BACH2: variants seen among roughly 807,000 people sequenced by gnomAD.
The protein encoded by BACH2 is transcription regulator protein BACH2.
A neutral mutation model predicts 61.8 loss-of-function variants in BACH2; 5 were observed. The ratio of observed to expected loss-of-function variants is 0.08; its 90% CI spans 0.04 to 0.17. The LOEUF (loss-of-function observed/expected upper bound fraction) is 0.17, where lower values mean the gene tolerates loss of function less well. BACH2 is among the 10% of genes least tolerant of loss of function. The pLI is 1.00. For synonymous variants in BACH2, 446 were observed against 440.1 expected, an observed-to-expected ratio of 1.01 and a Z score of -0.17; for missense variants, 824 against 1,091.1, an observed-to-expected ratio of 0.76 and a Z score of 3.45.
chr6:90,146,656 G>A (rs530530992), intron 4 of BACH2, among the ~76,000 whole-genome samples: 1 of 152,268 alleles, frequency 6.6e-6, no homozygotes, highest in South Asian at 2.1e-4. Context: ...ATTAGTAGGT[G>A]AATTGTTTCA....
chr6:89,976,385 A>T (rs954040687), intron 6 of BACH2, among the ~76,000 whole-genome samples: 1 of 152,252 alleles, frequency 6.6e-6, no homozygotes, highest in African/African-American at 2.4e-5. Flanking sequence ...TCTGTAAGGC[A>T]GGGGCAAGCT....
Position 89,928,771 on chromosome 6 carries a change from G to C in BACH2, c.*3637C>G, listed in dbSNP as rs1584488651. 6.6e-6 allele frequency: 1 copy of C among 152,454 alleles called. No homozygotes were observed. The highest frequency in any genetic ancestry group is 1.9e-4 in the East Asian group (1 of 5,314). The allele number at this position is 152,454 out of a possible 1,614,324, so 9.4% of individuals were successfully genotyped here. A position where few individuals can be genotyped will look rare whatever the true frequency, so the allele number is the denominator to read the frequency against. The stretch of plus-strand genomic sequence containing the variant: ...CACAACATTCAGTTGCAGACACACA[G>C]AGTCAGGTTTTCCACTGCAGCATCA... On this transcript the variant is annotated 3_prime_UTR_variant, in exon 9 of 9. Coordinates refer to ENST00000257749, the MANE Select transcript of BACH2 (RefSeq NM_021813.4).
chr6:90,040,573 T>C (rs1285827763), intron 5 of BACH2, among the ~76,000 whole-genome samples: 5 of 152,234 alleles, frequency 3.3e-5, no homozygotes, highest in Admixed American at 2.6e-4. Flanking sequence ...TACAAAATAT[T>C]CTGTTGGTAT....
At chr6:90,226,410 C>CACCAAT (rs1185808502) in intron 3 of BACH2, among the ~76,000 whole-genome samples, 1 of 152,070 alleles carries the variant, frequency 6.6e-6, no homozygotes, top group Non-Finnish European at 1.5e-5. Flanking sequence ...GGGTGAGGAG[C>CACCAAT]ACCAATTTGT....
intron 5 of BACH2, among the ~76,000 whole-genome samples, chr6:90,066,860 C>A (rs1780990821): frequency 1.3e-5 from 2 of 152,182 alleles, no homozygotes; most frequent in African/African-American, 4.8e-5. Context: ...TGCAGTGACA[C>A]ACACAGCCTT....
In BACH2 at chr6:90,008,809, A is replaced by G. The variant is rs1466444467; in HGVS notation, c.36T>C (p.Tyr12=). The G allele has an allele frequency of 4.3e-6, 7 of 1,614,154 alleles. No homozygotes were observed. The Admixed American group carries it at 8.3e-5, about 19-fold the overall frequency. ...TGCAGTGGACTGTGGACTCATACAC[A>G]TACATGGGGGAGTCAGGCTTCTCAT... is the stretch of plus-strand genomic sequence containing the variant. ...SVDEKPDSPM[Y]VYESTVHCTN... The change falls in exon 6 of 9, where the codon TAT becomes TAC. Residue 12 remains tyrosine (Y), a synonymous_variant. Coordinates refer to ENST00000257749, the MANE Select transcript of BACH2 (RefSeq NM_021813.4). The surrounding 1 kb of genome is among the most constrained non-coding windows in gnomAD (Gnocchi z 4.1).
At chr6:89,935,144 G>C (rs999756052) in intron 8 of BACH2, among the ~76,000 whole-genome samples, 2 of 152,128 alleles carry the variant, frequency 1.3e-5, no homozygotes, top group Non-Finnish European at 2.9e-5. Flanking sequence ...CTGGGGACCG[G>C]GCAGGGCAGG....
intron 5 of BACH2, among the ~76,000 whole-genome samples, chr6:90,080,524 G>A (rs543998916): frequency 6.2e-4 from 95 of 152,210 alleles, no homozygotes; most frequent in Non-Finnish European, 1.0e-3. Flanking sequence ...TTTGCCAGGG[G>A]CACAGAGAAG....
intron 5 of BACH2, among the ~76,000 whole-genome samples, chr6:90,031,604 A>C (rs1778986453): frequency 6.6e-6 from 1 of 152,212 alleles, no homozygotes; most frequent in Non-Finnish European, 1.5e-5. Context: ...CCCATTCACA[A>C]TTGCTTCAAA....
chr6:89,960,837 C>T lies in BACH2; in HGVS notation c.244-8975G>A, dbSNP rs115934073. Among the ~76,000 whole-genome samples the T allele has an allele frequency of 2.4e-3, 361 of 152,326 alleles. 1 individual carries two copies. Among genetic ancestry groups the T allele is most frequent in the African/African-American group, 8.4e-3 (349 of 41,562 alleles). On this transcript the variant is annotated intron_variant, in intron 6 of 8. Coordinates refer to ENST00000257749, the MANE Select transcript of BACH2 (RefSeq NM_021813.4). ...AAGCTGATGTCTAGGGGGAGCGTTA[C>T]GTGTCCCCTCTCTGTGATAGTCGGC... is the stretch of plus-strand genomic sequence containing the variant.
At chr6:90,187,941 C>A (rs574931023) in intron 4 of BACH2, among the ~76,000 whole-genome samples, 3 of 152,176 alleles carry the variant, frequency 2.0e-5, no homozygotes, top group Non-Finnish European at 4.4e-5. Flanking sequence ...CCCAGAAGAG[C>A]ACAAGTGCCC....
intron 4 of BACH2, among the ~76,000 whole-genome samples, chr6:90,153,178 G>C (rs913133769): frequency 4.6e-5 from 7 of 152,202 alleles, no homozygotes; most frequent in African/African-American, 1.7e-4. Flanking sequence ...ATTTATTAAG[G>C]TTATATCTAA....
intron 6 of BACH2, among the ~76,000 whole-genome samples, chr6:89,985,924 G>T (rs1315214019): frequency 6.6e-6 from 1 of 152,224 alleles, no homozygotes; most frequent in Non-Finnish European, 1.5e-5. Context: ...AGAAGCTTGA[G>T]AAACCAAAGT....
rs541682780 is a variant in BACH2 at position 89,938,037 on chromosome 6, T to G, written c.2043+107A>C. On this transcript the variant is annotated intron_variant, in intron 8 of 8. Coordinates refer to ENST00000257749, the MANE Select transcript of BACH2 (RefSeq NM_021813.4). The stretch of plus-strand genomic sequence containing the variant: ...ACTTCTTAAAAAATAAACCCAAACT[T>G]CCGCAAAGGGTGACCCTTCTGTCTA... The G allele has an allele frequency of 7.2e-5, 75 of 1,041,900 alleles. 1 individual carries two copies. The African/African-American group carries it at 1.1e-3, about 16-fold the overall frequency. 64.5% of individuals were successfully genotyped at this position (1,041,900 alleles called of 1,614,324 possible).
chr6:89,959,082 C>G (rs1774587180), intron 6 of BACH2, among the ~76,000 whole-genome samples: 1 of 149,532 alleles, frequency 6.7e-6, no homozygotes, highest in African/African-American at 2.5e-5. Context: ...GTCAATAACA[C>G]ATGCATGCAC....
At chr6:90,288,585 A>G (rs1266563942) in intron 1 of BACH2, among the ~76,000 whole-genome samples, 1 of 152,090 alleles carries the variant, frequency 6.6e-6, no homozygotes, top group Non-Finnish European at 1.5e-5. Context: ...ACCTGAGGTA[A>G]TTGGGGGTTA....
chr6:90,097,826 G>A (rs528634398), intron 4 of BACH2, among the ~76,000 whole-genome samples: 1 of 151,970 alleles, frequency 6.6e-6, no homozygotes, highest in East Asian at 1.9e-4. Context: ...CAAGAGTGAA[G>A]GAAACAAAAA....
chr6:90,287,415 A>G (rs1772054219), intron 1 of BACH2, among the ~76,000 whole-genome samples: 1 of 152,152 alleles, frequency 6.6e-6, no homozygotes, highest in African/African-American at 2.4e-5. Flanking sequence ...TGCAAAGATA[A>G]TATAGAATTT....
chr6:90,007,912 G>A (rs957153197), intron 6 of BACH2, among the ~76,000 whole-genome samples: 1 of 152,206 alleles, frequency 6.6e-6, no homozygotes, highest in African/African-American at 2.4e-5. Flanking sequence ...CCAAGAGGTA[G>A]TGTATATATG....
Sources: gnomAD v4.1 joint callset for allele counts (sites outside exome capture counted in the v4.1 genomes callset) on GRCh38, gnomAD v4.1.1 for gene constraint, Gnocchi (gnomAD v3.1) non-coding constraint, MANE v1.5 for transcripts, NCBI Gene and HGNC (gene_info 2026-07-23, HGNC 2026-07-21) for gene names.